The following PRKCE variants were observed in gnomAD, a reference collection of about 807,000 sequenced individuals.
PRKCE encodes the protein protein kinase C epsilon type.
In PRKCE, 16 loss-of-function variants were observed where a neutral mutation model predicts 85.4. The ratio of observed to expected loss-of-function variants is 0.19; its 90% CI spans 0.13 to 0.28. The LOEUF is 0.28. Among genes scored for constraint, PRKCE ranks in the 10% least tolerant of loss-of-function variants. PRKCE has a pLI of 1.00. For missense variants in PRKCE, 573 were observed against 975.2 expected (o/e 0.59, Z 5.49); for synonymous variants, 388 against 371.5 (o/e 1.04, Z -0.51).
chr2:45,663,067 A>G (rs1206192161), intron 1 of PRKCE, among the ~76,000 whole-genome samples: 1 of 152,230 alleles, frequency 6.6e-6, no homozygotes, highest in Non-Finnish European at 1.5e-5. Context: ...ATTTATTTTC[A>G]GGTCTCTGTG....
rs114749964 is a variant in PRKCE, at chr2:45,857,583, A to T, written c.412+14520A>T. ...TTTCGATGGATTGATTGGTTTGTTT[A>T]TTTATTTATTTTGGAGATGAGGTCT... On this transcript the variant is annotated intron_variant, in intron 2 of 14. Transcript: ENST00000306156. Among the ~76,000 whole-genome samples, 821 of 152,062 alleles carry T rather than the reference A, an allele frequency of 5.4e-3. 13 individuals carry two copies. Among genetic ancestry groups the T allele is most frequent in the African/African-American group, 0.018 (761 of 41,466 alleles).
Position 46,001,997 on chromosome 2 carries a change from C to G in PRKCE, c.966+451C>G, listed in dbSNP as rs536675278. 1.3e-5 allele frequency among the ~76,000 whole-genome samples: 2 copies of G among 152,296 alleles called. No homozygotes were observed. The highest frequency in any genetic ancestry group is 4.2e-4 in the South Asian group (2 of 4,818). On this transcript the variant is annotated intron_variant, in intron 7 of 14. Transcript: ENST00000306156. The surrounding 1 kb of genome is among the most constrained non-coding windows in gnomAD (Gnocchi z 4.4). ...GGAGGAAGCCAAGATGATTTGTGAT[C>G]ATACCAGCACTGAGCTGCCTGGGGA... is the stretch of plus-strand genomic sequence containing the variant.
intron 6 of PRKCE, among the ~76,000 whole-genome samples, chr2:45,993,527 C>G (rs141172643): frequency 5.3e-4 from 81 of 152,242 alleles, no homozygotes; most frequent in African/African-American, 1.8e-3. Flanking sequence ...AAAGATACCC[C>G]CTTTGCCGAC....
At chr2:45,893,052 G>C (rs1369675818) in intron 2 of PRKCE, among the ~76,000 whole-genome samples, 1 of 152,166 alleles carries the variant, frequency 6.6e-6, no homozygotes, top group Non-Finnish European at 1.5e-5. Flanking sequence ...TCCAAGATGG[G>C]CTGACTGTTT....
chr2:45,979,942 T>C (rs528897088), intron 4 of PRKCE, among the ~76,000 whole-genome samples: 4 of 152,126 alleles, frequency 2.6e-5, no homozygotes, highest in Admixed American at 1.3e-4. Flanking sequence ...GCGAGGCCAC[T>C]ACAACACCTT....
At chr2:45,872,297 C>T (rs1455921510) in intron 2 of PRKCE, among the ~76,000 whole-genome samples, 1 of 152,102 alleles carries the variant, frequency 6.6e-6, no homozygotes, top group East Asian at 1.9e-4. Flanking sequence ...AAAGACCCTG[C>T]AAGCAAAGAA....
chr2:46,181,163 G>A (rs747856583), intron 14 of PRKCE, among the ~76,000 whole-genome samples: 4 of 152,168 alleles, frequency 2.6e-5, no homozygotes, highest in Non-Finnish European at 4.4e-5. Context: ...TAAAATCAGC[G>A]AGTAAAGAAT....
intron 11 of PRKCE, among the ~76,000 whole-genome samples, chr2:46,144,275 C>T (rs919995084): frequency 6.6e-6 from 1 of 152,150 alleles, no homozygotes; most frequent in African/African-American, 2.4e-5. Flanking sequence ...AGACCTTTCC[C>T]CCACCCAGCC....
chr2:45,744,107 C>T (rs1440093366), intron 1 of PRKCE, among the ~76,000 whole-genome samples: 2 of 150,452 alleles, frequency 1.3e-5, no homozygotes, highest in African/African-American at 2.5e-5. Flanking sequence ...CTTTGTCTTT[C>T]TTGCTTGATG....
chr2:45,750,520 G>A (rs1341688691), intron 1 of PRKCE, among the ~76,000 whole-genome samples: 1 of 152,190 alleles, frequency 6.6e-6, no homozygotes, highest in Admixed American at 6.5e-5. Flanking sequence ...ATTGGTTTGG[G>A]ATCAGAGAGA....
intron 10 of PRKCE, among the ~76,000 whole-genome samples, chr2:46,034,044 C>G (rs919517540): frequency 1.6e-4 from 25 of 152,212 alleles, no homozygotes; most frequent in Non-Finnish European, 3.5e-4. Context: ...CCCCAGCCCA[C>G]TGACAGTGGG....
At chr2:46,039,663 C>A (rs1708105469) in intron 10 of PRKCE, among the ~76,000 whole-genome samples, 1 of 152,176 alleles carries the variant, frequency 6.6e-6, no homozygotes, top group African/African-American at 2.4e-5. Context: ...CAGCCTTCCT[C>A]TTCCAGAAGC....
rs556205561 is a variant in PRKCE, at chr2:45,667,881, A to G, written c.348+15433A>G. 1.7e-3 allele frequency among the ~76,000 whole-genome samples: 254 copies of G among 152,220 alleles called. 1 individual carries two copies. Among genetic ancestry groups the G allele is most frequent in the Non-Finnish European group, 2.1e-3 (142 of 68,016 alleles). ...TGGTTAAGTGGAAGGGCTTTATATGACAGGGAGATGGATTCTAATCCTGGT... is the reference window on the plus strand; with the variant it reads ...TGGTTAAGTGGAAGGGCTTTATATGGCAGGGAGATGGATTCTAATCCTGGT... On this transcript the variant is annotated intron_variant, in intron 1 of 14. Transcript: ENST00000306156.
chr2:45,832,188 C>T (rs1690482489), intron 1 of PRKCE, among the ~76,000 whole-genome samples: 1 of 152,196 alleles, frequency 6.6e-6, no homozygotes, highest in Admixed American at 6.5e-5. Context: ...TCCTGCGTCA[C>T]ATTTGTATGT....
intron 2 of PRKCE, among the ~76,000 whole-genome samples, chr2:45,897,033 G>A (rs1040007766): frequency 3.9e-5 from 6 of 152,264 alleles, no homozygotes; most frequent in Middle Eastern, 3.4e-3. Flanking sequence ...AGCCGTGAGT[G>A]TGCCACCACA....
intron 10 of PRKCE, among the ~76,000 whole-genome samples, chr2:46,081,572 A>T (rs1206569969): frequency 6.6e-6 from 1 of 152,242 alleles, no homozygotes; most frequent in Admixed American, 6.5e-5. Context: ...ACCTTGTCAG[A>T]GAAGTCAGGG....
chr2:45,785,312 G>A (rs956615624), intron 1 of PRKCE, among the ~76,000 whole-genome samples: 22 of 152,130 alleles, frequency 1.4e-4, no homozygotes, highest in African/African-American at 5.1e-4. Context: ...CCAACATGGC[G>A]AAACCCTGTC....
intron 1 of PRKCE, among the ~76,000 whole-genome samples, chr2:45,772,278 TAAAA>T (rs199678263): frequency 1.1e-5 from 1 of 88,990 alleles, no homozygotes; most frequent in Non-Finnish European, 2.5e-5. Flanking sequence ...CATCTCAAAA[TAAAA>T]AAAAAAAAAG....
At chr2:46,107,837 G>A (rs539256422) in intron 11 of PRKCE, among the ~76,000 whole-genome samples, 1 of 152,176 alleles carries the variant, frequency 6.6e-6, no homozygotes, top group Admixed American at 6.5e-5. Flanking sequence ...TATCTTATTT[G>A]CCATCTGTAT....
Sources: allele counts gnomAD v4.1 joint callset (sites outside exome capture counted in the v4.1 genomes callset), GRCh38; gene constraint gnomAD v4.1.1; non-coding constraint Gnocchi (gnomAD v3.1); transcripts MANE v1.5; gene names NCBI Gene and HGNC (gene_info 2026-07-23, HGNC 2026-07-21).